PRH1: variants seen among roughly 807,000 people sequenced by gnomAD.
PRH1 encodes salivary acidic proline-rich phosphoprotein 1/2.
Under a neutral mutation model 7.9 loss-of-function variants are expected in PRH1, and 7 were observed. The ratio of observed to expected loss-of-function variants is 0.89; its 90% confidence interval spans 0.50 to 1.67. PRH1 has a LOEUF of 1.67. PRH1 is among the 40% of genes most tolerant of loss of function. PRH1 has a pLI of 0.00. For synonymous variants in PRH1, 45 were observed against 80.8 expected (o/e 0.56, Z 2.38); for missense variants, 109 against 223.6 (o/e 0.49, Z 3.27).
At chr12:11,107,803 T>A (rs183590452) in intron 1 of PRH1, among the ~76,000 whole-genome samples, 149 of 152,308 alleles carry the variant, frequency 9.8e-4, no homozygotes, top group Non-Finnish European at 1.7e-3. Flanking sequence ...ATTAATGGTT[T>A]TTCTCAAAAA....
At chr12:11,128,936 G>A (rs1325542774) in intron 1 of PRH1, among the ~76,000 whole-genome samples, 1 of 119,320 alleles carries the variant, frequency 8.4e-6, no homozygotes, top group East Asian at 2.7e-4. Context: ...CTTTTTTTTT[G>A]TTCTGAGACA....
chr12:10,977,273 A>G (rs1006557044), intron 1 of PRH1, among the ~76,000 whole-genome samples: 4 of 152,246 alleles, frequency 2.6e-5, no homozygotes, highest in Admixed American at 6.5e-5. Flanking sequence ...ATGCAGATCA[A>G]TAAGTGTGCT....
intron 1 of PRH1, among the ~76,000 whole-genome samples, chr12:11,057,984 C>T (rs554035386): frequency 2.0e-5 from 3 of 152,308 alleles, no homozygotes; most frequent in African/African-American, 7.2e-5. Flanking sequence ...CCCTGTGGCA[C>T]ATGATTGTAA....
In PRH1 at chr12:11,096,736, TC is replaced by T. The variant is rs200806395; in HGVS notation, n.124-49549del. ...AATGTCATTAATTACATATAGAATC[TC>T]AACCACAGCTCCATCATTCTATTCC... On this transcript the variant is annotated intron_variant and non_coding_transcript_variant, in intron 1 of 4. Coordinates refer to the PRH1 transcript ENST00000541977. 5.5e-3 allele frequency among the ~76,000 whole-genome samples: 637 copies of T among 116,066 alleles called. 147 individuals carry two copies. The highest frequency in any genetic ancestry group is 0.017 in the African/African-American group (589 of 34,748). The allele number at this position is 116,066 out of a possible 152,430, so 76.1% of individuals were successfully genotyped here. A position where few individuals can be genotyped will look rare whatever the true frequency, so the allele number is the denominator to read the frequency against.
chr12:10,940,292 A>G (rs549420583), intron 2 of PRH1, among the ~76,000 whole-genome samples: 9 of 152,334 alleles, frequency 5.9e-5, no homozygotes, highest in African/African-American at 1.9e-4. Flanking sequence ...TAAATAATTC[A>G]GGCTTTTTAC....
At chr12:10,955,674 C>T (rs868446002) in intron 2 of PRH1, among the ~76,000 whole-genome samples, 4 of 150,774 alleles carry the variant, frequency 2.7e-5, no homozygotes, top group Admixed American at 6.6e-5. Context: ...TATGATAGAC[C>T]CCTAACCAGA....
intron 1 of PRH1, among the ~76,000 whole-genome samples, chr12:10,989,346 A>G: frequency 6.6e-6 from 1 of 152,072 alleles, no homozygotes; most frequent in Admixed American, 6.6e-5. Flanking sequence ...TGATTCATTC[A>G]TCTTTAGTTG....
intron 1 of PRH1, among the ~76,000 whole-genome samples, chr12:11,157,889 T>A (rs923226232): frequency 5.3e-5 from 8 of 152,336 alleles, no homozygotes; most frequent in East Asian, 3.9e-4. Context: ...GTGATAGATG[T>A]GACCTCACTC....
intron 2 of PRH1, among the ~76,000 whole-genome samples, chr12:10,958,006 T>G (rs1043191201): frequency 2.6e-5 from 4 of 152,152 alleles, no homozygotes; most frequent in Admixed American, 6.5e-5. Flanking sequence ...AGCATGGCAA[T>G]TTTCCAAAGA....
At chr12:11,122,461 G>C (rs1420339483) in intron 1 of PRH1, among the ~76,000 whole-genome samples, 2 of 152,250 alleles carry the variant, frequency 1.3e-5, no homozygotes, top group Non-Finnish European at 2.9e-5. Context: ...AAGTGACATA[G>C]GTATTCTGCT....
chr12:11,071,705 C>G (rs549443823), intron 1 of PRH1, among the ~76,000 whole-genome samples: 16 of 131,434 alleles, frequency 1.2e-4, no homozygotes, highest in African/African-American at 4.2e-4. Context: ...GCTGACAGCA[C>G]TCTTCCTTAG....
At position 10,998,556 on chromosome 12, in the gene PRH1, T is replaced by C. The variant is rs146307131; in HGVS notation, c.-125-24835A>G. 9.2e-5 allele frequency among the ~76,000 whole-genome samples: 14 copies of C among 152,138 alleles called. No homozygotes were observed. The East Asian group carries it at 2.5e-3, about 27-fold the overall frequency. ...CACACACACAGACACACACACACTT[T>C]CACTCTTCAAGGATGGAAGGAATTG... is the stretch of plus-strand genomic sequence containing the variant. On this transcript the variant is annotated intron_variant, in intron 1 of 3. Transcript: ENST00000539853.
chr12:11,133,448 G>T lies in PRH1; in HGVS notation n.40-12268C>A, dbSNP rs1257329016. 1.9e-6 allele frequency: 3 copies of T among 1,614,030 alleles called. No individual in the cohort carries two copies. In the East Asian group the frequency reaches 6.7e-5, roughly 36 times the overall value. ...GGTTGAAGGATAGCTGAATATAATAGCTTGGCAGAACATGAAGACAGGTTG... is the reference window on the plus strand; with the variant it reads ...GGTTGAAGGATAGCTGAATATAATATCTTGGCAGAACATGAAGACAGGTTG... On this transcript the variant is annotated intron_variant and non_coding_transcript_variant, in intron 1 of 1. Transcript: ENST00000541175.
intron 1 of PRH1, among the ~76,000 whole-genome samples, chr12:10,979,990 T>C (rs1002155477): frequency 6.6e-6 from 1 of 152,162 alleles, no homozygotes; most frequent in Non-Finnish European, 1.5e-5. Context: ...GACATCCAAA[T>C]GAAGATGTCA....
intron 1 of PRH1, among the ~76,000 whole-genome samples, chr12:11,105,577 A>T (rs1317042710): frequency 3.9e-5 from 6 of 152,216 alleles, no homozygotes; most frequent in Non-Finnish European, 4.4e-5. Flanking sequence ...AAAATTTTCC[A>T]TATTGGTGTT....
intron 2 of PRH1, among the ~76,000 whole-genome samples, chr12:10,940,356 C>A (rs1361170800): frequency 6.6e-6 from 1 of 152,136 alleles, no homozygotes; most frequent in Non-Finnish European, 1.5e-5. Context: ...TAGTTTTAAA[C>A]ACATTTAAAA....
chr12:11,077,065 A>C (rs1338909750), intron 1 of PRH1: 1 of 116,052 alleles, frequency 8.6e-6, no homozygotes, highest in African/African-American at 2.9e-5. Flanking sequence ...ATATTATACA[A>C]TGAACTATAA....
At chr12:10,962,387 T>C (rs951150495) in intron 2 of PRH1, among the ~76,000 whole-genome samples, 1 of 152,220 alleles carries the variant, frequency 6.6e-6, no homozygotes, top group African/African-American at 2.4e-5. Flanking sequence ...GTCTTTTATA[T>C]GCTGTTTTGA....
intron 1 of PRH1, among the ~76,000 whole-genome samples, chr12:10,996,106 A>G (rs541437850): frequency 2.6e-5 from 4 of 151,914 alleles, no homozygotes; most frequent in Non-Finnish European, 4.4e-5. Flanking sequence ...ACTTGAGGTC[A>G]AGAGTTCGAG....
Sources: allele counts gnomAD v4.1 joint callset (sites outside exome capture counted in the v4.1 genomes callset), GRCh38; gene constraint gnomAD v4.1.1; transcripts MANE v1.5; gene names NCBI Gene and HGNC (gene_info 2026-07-23, HGNC 2026-07-21).